CXCL13: variants seen among roughly 807,000 people sequenced by gnomAD.
CXCL13 encodes the protein C-X-C motif chemokine 13.
A neutral mutation model predicts 12.2 loss-of-function variants in CXCL13; 7 were observed. That is an observed-to-expected ratio of 0.57 (90% CI 0.33 to 1.07). The LOEUF is 1.07. Among genes scored for constraint, CXCL13 ranks in the 50% least tolerant of loss-of-function variants. CXCL13 has a pLI of 0.04. For synonymous variants in CXCL13, 47 were observed against 42.4 expected (o/e 1.11, Z -0.42); for missense variants, 113 against 127.4 (o/e 0.89, Z 0.55).
intron 1 of CXCL13, among the ~76,000 whole-genome samples, chr4:77,597,684 G>T (rs1726795608): frequency 6.6e-6 from 1 of 152,142 alleles, no homozygotes; most frequent in African/African-American, 2.4e-5. Flanking sequence ...GGAAGAAGTT[G>T]AATATTCAAA....
intron 1 of CXCL13, among the ~76,000 whole-genome samples, chr4:77,569,139 C>T (rs772448381): frequency 5.3e-5 from 8 of 152,174 alleles, no homozygotes; most frequent in African/African-American, 1.4e-4. Context: ...ACATCTATGA[C>T]AAACCCACAG....
intron 1 of CXCL13, among the ~76,000 whole-genome samples, chr4:77,552,808 A>C (rs1268833708): frequency 6.6e-6 from 1 of 152,214 alleles, no homozygotes; most frequent in Non-Finnish European, 1.5e-5. Flanking sequence ...AGGTGCCTGG[A>C]GATCTGCCTG....
At chr4:77,543,547 G>A (rs1282355443) in intron 1 of CXCL13, among the ~76,000 whole-genome samples, 2 of 151,878 alleles carry the variant, frequency 1.3e-5, no homozygotes, top group Non-Finnish European at 2.9e-5. Flanking sequence ...GATTTTCATT[G>A]TGTCTCTGTC....
At chr4:77,542,863 G>T (rs1258937861) in intron 1 of CXCL13, among the ~76,000 whole-genome samples, 1 of 152,094 alleles carries the variant, frequency 6.6e-6, no homozygotes, top group South Asian at 2.1e-4. Flanking sequence ...TGGTATCAGG[G>T]TGATGCTAGC....
intron 1 of CXCL13, among the ~76,000 whole-genome samples, chr4:77,579,643 C>T (rs1726271689): frequency 6.6e-6 from 1 of 152,138 alleles, no homozygotes; most frequent in African/African-American, 2.4e-5. Context: ...CCCTGGCATG[C>T]TGTTAAGGAC....
At chr4:77,585,361 A>G (rs563857684) in intron 1 of CXCL13, among the ~76,000 whole-genome samples, 6 of 152,364 alleles carry the variant, frequency 3.9e-5, no homozygotes, top group East Asian at 3.9e-4. Context: ...TATTTAAATC[A>G]TGATTAAATC....
intron 1 of CXCL13, among the ~76,000 whole-genome samples, chr4:77,536,219 A>G (rs1725054522): frequency 6.6e-6 from 1 of 152,164 alleles, no homozygotes; most frequent in South Asian, 2.1e-4. Context: ...ACTCTGCCTT[A>G]TTTCATTGAC....
intron 1 of CXCL13, among the ~76,000 whole-genome samples, chr4:77,519,493 T>G (rs1252502626): frequency 6.6e-6 from 1 of 152,234 alleles, no homozygotes; most frequent in African/African-American, 2.4e-5. Flanking sequence ...TTTTCATGTG[T>G]CTGTTGGCTG....
intron 1 of CXCL13, among the ~76,000 whole-genome samples, chr4:77,566,422 A>T (rs1725924764): frequency 6.6e-6 from 1 of 152,178 alleles, no homozygotes; most frequent in Non-Finnish European, 1.5e-5. Flanking sequence ...AAAGAAACAA[A>T]GTGTAATTTA....
chr4:77,561,054 T>A (rs1462839104), intron 1 of CXCL13, among the ~76,000 whole-genome samples: 1 of 152,244 alleles, frequency 6.6e-6, no homozygotes, highest in African/African-American at 2.4e-5. Flanking sequence ...CTAACAGTTC[T>A]CATGGTTATA....
chr4:77,533,777 C>G (rs550164956), intron 1 of CXCL13, among the ~76,000 whole-genome samples: 11 of 152,274 alleles, frequency 7.2e-5, no homozygotes, highest in African/African-American at 2.6e-4. Context: ...GCAGTTTGAT[C>G]TCAGACTGCT....
At chr4:77,548,421 T>A (rs1182455099) in intron 1 of CXCL13, among the ~76,000 whole-genome samples, 1 of 152,224 alleles carries the variant, frequency 6.6e-6, no homozygotes, top group Non-Finnish European at 1.5e-5. Context: ...GGGACATCTA[T>A]GACACCAGAA....
In CXCL13 at chr4:77,576,067, G is replaced by A. The variant is rs1006961021; in HGVS notation, c.-42-29757G>A. Among the ~76,000 whole-genome samples, 14 of 151,866 alleles carry A rather than the reference G, an allele frequency of 9.2e-5. 1 individual carries two copies. Among genetic ancestry groups the A allele is most frequent in the African/African-American group, 3.2e-4 (13 of 41,184 alleles). On this transcript the variant is annotated intron_variant, in intron 1 of 4. Coordinates refer to the CXCL13 transcript ENST00000286758. The stretch of plus-strand genomic sequence containing the variant: ...CTGTTTTGATCCTCTGCAAAAGATG[G>A]TTTATAATCAGCTACAGAACTTTGA...
intron 1 of CXCL13, among the ~76,000 whole-genome samples, chr4:77,520,371 T>C (rs1578033297): frequency 6.6e-6 from 1 of 152,210 alleles, no homozygotes; most frequent in East Asian, 1.9e-4. Context: ...TCCATTTGTT[T>C]GTGTCCTCTT....
At chr4:77,537,476 AG>A (rs1725087570) in intron 1 of CXCL13, among the ~76,000 whole-genome samples, 1 of 152,244 alleles carries the variant, frequency 6.6e-6, no homozygotes, top group Non-Finnish European at 1.5e-5. Context: ...AACTCCATAC[AG>A]GGTACAGAGC....
upstream of CXCL13, among the ~76,000 whole-genome samples, chr4:77,604,843 T>G (rs575965306): frequency 7.9e-5 from 12 of 152,292 alleles, no homozygotes; most frequent in African/African-American, 2.9e-4. Context: ...AACCTCTGAT[T>G]TCTTAGCAGA....
intron 1 of CXCL13, among the ~76,000 whole-genome samples, chr4:77,589,034 C>A (rs977989236): frequency 6.6e-6 from 1 of 152,192 alleles, no homozygotes; most frequent in Non-Finnish European, 1.5e-5. Context: ...GCTTATAGAA[C>A]ATATACCTTT....
At chr4:77,528,924 A>C (rs1488301204) in intron 1 of CXCL13, among the ~76,000 whole-genome samples, 1 of 152,220 alleles carries the variant, frequency 6.6e-6, no homozygotes, top group African/African-American at 2.4e-5. Context: ...CTAACATTTA[A>C]GTCTTTAATC....
chr4:77,532,895 T>C (rs1724964754), intron 1 of CXCL13, among the ~76,000 whole-genome samples: 1 of 151,602 alleles, frequency 6.6e-6, no homozygotes, highest in Non-Finnish European at 1.5e-5. Context: ...TTTCAGCTCC[T>C]TTAAGGAGTT....
Sources: gnomAD v4.1 joint callset for allele counts (sites outside exome capture counted in the v4.1 genomes callset) on GRCh38, gnomAD v4.1.1 for gene constraint, MANE v1.5 for transcripts, NCBI Gene and HGNC (gene_info 2026-07-23, HGNC 2026-07-21) for gene names.